The following LRP4 variants were observed in gnomAD, a reference collection of about 807,000 sequenced individuals.
LRP4 encodes LDL receptor related protein 4.
Under a neutral mutation model 220.3 loss-of-function variants are expected in LRP4, and 95 were observed. That is an observed-to-expected ratio of 0.43 (90% CI 0.37 to 0.51). The LOEUF (loss-of-function observed/expected upper bound fraction) is 0.51, where lower values mean the gene tolerates loss of function less well. LRP4 is among the 20% of genes least tolerant of loss of function. The pLI, the probability that LRP4 is intolerant of heterozygous loss-of-function variation, is 0.00. For missense variants in LRP4, 1,925 were observed against 2,567.0 expected, an observed-to-expected ratio of 0.75 and a Z score of 5.40; for synonymous variants, 903 against 954.6, an observed-to-expected ratio of 0.95 and a Z score of 1.00.
intron 18 of LRP4, among the ~76,000 whole-genome samples, chr11:46,884,244 G>A (rs972176380): frequency 2.6e-5 from 4 of 152,194 alleles, no homozygotes; most frequent in East Asian, 3.9e-4. Context: ...TTTAGTGTGC[G>A]TAAGAATCAG....
chr11:46,900,518 T>G (rs971709218), intron 2 of LRP4, 140 bp from the exon 3 acceptor site: 3 of 689,744 alleles, frequency 4.3e-6, no homozygotes, highest in Non-Finnish European at 5.3e-6. Flanking sequence ...GTCACCCAGG[T>G]TGGAGTACAG....
intron 28 of LRP4, chr11:46,874,358 A>G (rs921695706): frequency 2.4e-5 from 4 of 170,010 alleles, no homozygotes; most frequent in African/African-American, 9.6e-5. Context: ...TAGGGCCACA[A>G]ATTTAAAGAC....
Position 46,900,341 on chromosome 11 carries a change from G to C in LRP4, c.237C>G (p.Asp79Glu), listed in dbSNP as rs547765113. 1.9e-6 allele frequency: 3 copies of C among 1,614,028 alleles called. No homozygotes were observed. Among genetic ancestry groups the C allele is most frequent in the African/African-American group, 2.7e-5 (2 of 75,044 alleles). ...PTCSPLDFHC[D>E]NGKCIRRSWV... ...AGGAGCGGCGGATGCACTTGCCATT[G>C]TCACAGTGAAAGTCAAGAGGGGAAC... Residue 79 changes from aspartate to glutamate, a missense_variant, in exon 3 of 38, where the codon GAC (aspartate) becomes GAG (glutamate). Physicochemically the swap from Asp to Glu is conservative, Grantham distance 45 (BLOSUM62 2). Around this residue, in one of 3 missense-constraint regions of LRP4, gnomAD observed 412 missense variants for 505.4 expected, o/e 0.82. Transcript: ENST00000378623.
chr11:46,856,907 T>C lies in LRP4; in HGVS notation c.*2076A>G, dbSNP rs1163252480. ...AAATTTATATTAAATTATCATAAAG[T>C]CCTAAAATACTGAACATAGTGGTTA... On this transcript the variant is annotated 3_prime_UTR_variant, in exon 38 of 38. Coordinates refer to ENST00000378623, the MANE Select transcript of LRP4 (RefSeq NM_002334.4). This position sits in a 1 kb window ranked among gnomAD's most constrained non-coding sequence, Gnocchi z 4.1. The C allele has an allele frequency of 2.0e-5, 3 of 152,606 alleles. No individual in the cohort carries two copies. Among genetic ancestry groups the C allele is most frequent in the African/African-American group, 7.2e-5 (3 of 41,430 alleles). The allele number at this position is 152,606 out of a possible 1,614,324, so 9.5% of individuals were successfully genotyped here.
rs142352845 is a variant in LRP4 at position 46,871,583 on chromosome 11, T to C, written c.4634A>G (p.Asn1545Ser). The change falls in exon 31 of 38, where the codon AAT becomes AGT. Residue 1545 changes from asparagine to serine, a missense_variant. Asn to Ser is a conservative substitution (Grantham distance 46). Coordinates refer to ENST00000378623, the MANE Select transcript of LRP4 (RefSeq NM_002334.4). ...GACCAAGACCTGCCGCAGTTTCCCA[T>C]TGAGGTCAGCACTCTCGATCCGGTC... ...HLDRIESADL[N>S]GKLRQVLVSH... is the part of the protein sequence containing the mutation. 9 of 1,613,462 alleles carry C rather than the reference T, an allele frequency of 5.6e-6. No individual in the cohort carries two copies. The highest frequency in any genetic ancestry group is 4.4e-5 in the South Asian group (4 of 90,816).
At position 46,902,792 on chromosome 11, in the gene LRP4, C is replaced by T. The variant is rs1186531891; in HGVS notation, c.190G>A (p.Asp64Asn). 4.3e-6 allele frequency: 7 copies of T among 1,614,014 alleles called. No homozygotes were observed. In the South Asian group the frequency reaches 7.7e-5, roughly 18 times the overall value. Reference protein sequence around the residue: ...DNDCGDHSDEDGCILPTCSPL... With the variant: ...DNDCGDHSDENGCILPTCSPL... ...CTGGGGAGGTACTTACTACATCCAT[C>T]CTCATCGCTGTGGTCCCCGCAGTCA... The change falls in exon 2 of 38, where the codon GAT becomes AAT. Residue 64 changes from aspartate to asparagine, a missense_variant. Physicochemically the swap from Asp to Asn is conservative, Grantham distance 23. Transcript: ENST00000378623.
chr11:46,878,975 G>A lies in LRP4; in HGVS notation c.3068C>T (p.Pro1023Leu). 1 of 1,614,224 alleles carries A rather than the reference G, an allele frequency of 6.2e-7. No homozygotes were observed. Reference protein sequence around the residue: ...CSHLCLRSPNPSGFSCTCPTG... With the variant: ...CSHLCLRSPNLSGFSCTCPTG... Reference sequence around the variant, plus strand: ...GGGGCAGGTACAGCTGAATCCGCTTGGATTTGGGGACCTAAGACACAGGTG... The same window carrying A: ...GGGGCAGGTACAGCTGAATCCGCTTAGATTTGGGGACCTAAGACACAGGTG... Residue 1023 changes from proline (P) to leucine (L), a missense_variant, in exon 22 of 38, where the codon CCA (proline) becomes CTA (leucine). By Grantham distance (98) the Pro-to-Leu change is moderately conservative (BLOSUM62 -3). Transcript: ENST00000378623.
rs1287755727 is a variant in LRP4, at chr11:46,879,174, G to C, written c.2956C>G (p.Leu986Val). The change falls in exon 21 of 38, where the codon CTG (leucine) becomes GTG (valine). Residue 986 changes from leucine (L) to valine (V), a missense_variant. Around this residue, in one of 3 missense-constraint regions of LRP4, gnomAD observed 1,244 missense variants for 1,624.9 expected, o/e 0.77. Coordinates refer to ENST00000378623, the MANE Select transcript of LRP4 (RefSeq NM_002334.4). ...ACATGGATGTCCATTAGGTTTTCCA[G>C]GTTCTCCTGCAGAGTCTCCCGGTCC... is the stretch of plus-strand genomic sequence containing the variant. ...GLDRETLQEN[L>V]ENLMDIHVFH... The C allele has an allele frequency of 6.2e-7, 1 of 1,614,216 alleles. No homozygotes were observed. Among genetic ancestry groups the C allele is most frequent in the Non-Finnish European group, 8.5e-7 (1 of 1,180,040 alleles).
intron 9 of LRP4, 29 bp downstream of exon 9, chr11:46,896,181 G>A: frequency 6.2e-7 from 1 of 1,612,856 alleles, no homozygotes; most frequent in Non-Finnish European, 8.5e-7. Flanking sequence ...ACAAACCATG[G>A]GCCAGGTCCG....
intron 1 of LRP4, among the ~76,000 whole-genome samples, chr11:46,916,986 G>A (rs1360667744): frequency 6.6e-6 from 1 of 152,226 alleles, no homozygotes; most frequent in Non-Finnish European, 1.5e-5. Context: ...GGCCGGCCAA[G>A]CTACCGCTCT....
At chr11:46,891,515 G>A (rs1255779579) in intron 13 of LRP4, among the ~76,000 whole-genome samples, 1 of 151,882 alleles carries the variant, frequency 6.6e-6, no homozygotes, top group Admixed American at 6.6e-5. Context: ...GATACATACT[G>A]TAGGACCTTA....
Position 46,894,578 on chromosome 11 carries a change from T to C in LRP4, c.1540+11A>G. Reference sequence around the variant, plus strand: ...TGGCTCTGCCCCTCTCCATGGGGCCTTGTTCCCTACCTGGGCTCTCCAGCC... The same window carrying C: ...TGGCTCTGCCCCTCTCCATGGGGCCCTGTTCCCTACCTGGGCTCTCCAGCC... On this transcript the variant is annotated intron_variant, in intron 12 of 37. Coordinates refer to ENST00000378623, the MANE Select transcript of LRP4 (RefSeq NM_002334.4). 6.3e-7 allele frequency: 1 copy of C among 1,589,014 alleles called. No individual in the cohort carries two copies. The highest frequency in any genetic ancestry group is 2.3e-5 in the East Asian group (1 of 43,848).
chr11:46,879,402 A>G (rs894638582), intron 20 of LRP4, 87 bp from the exon 21 acceptor site: 1 of 1,400,634 alleles, frequency 7.1e-7, no homozygotes, highest in Non-Finnish European at 1.0e-6. Context: ...CTCAGAAAGC[A>G]GCTCTCCCAC....
intron 13 of LRP4, among the ~76,000 whole-genome samples, chr11:46,891,597 T>C (rs1432180302): frequency 1.3e-5 from 2 of 152,310 alleles, no homozygotes; most frequent in African/African-American, 4.8e-5. Context: ...CAGGAGTTTT[T>C]CTTTAATTCA....
In LRP4 at chr11:46,902,216, G is replaced by T. The variant is rs190613602; in HGVS notation, c.199+567C>A. Among the ~76,000 whole-genome samples the T allele has an allele frequency of 1.1e-4, 16 of 151,846 alleles. 2 individuals carry two copies. Among genetic ancestry groups the T allele is most frequent in the African/African-American group, 3.6e-4 (15 of 41,536 alleles). On this transcript the variant is annotated intron_variant, in intron 2 of 37. Coordinates refer to ENST00000378623, the MANE Select transcript of LRP4 (RefSeq NM_002334.4). ...CTACTAAAAATACAAAAAATTAGCT[G>T]GGCATGGTGGCACATGCCTGTAGTC...
intron 20 of LRP4, among the ~76,000 whole-genome samples, chr11:46,880,714 G>A (rs1428371391): frequency 6.6e-6 from 1 of 152,054 alleles, no homozygotes; most frequent in African/African-American, 2.4e-5. Context: ...AAAAAAGTGG[G>A]GTGGGAGGAG....
Position 46,915,195 on chromosome 11 carries a change from G to A in LRP4, c.52+3133C>T, listed in dbSNP as rs535592146. ...AGGGACAAGGTCACTCAAGCACCAT[G>A]ACAACCCTGGTCACGACAACAGCGA... On this transcript the variant is annotated intron_variant, in intron 1 of 37. Transcript: ENST00000378623. Among the ~76,000 whole-genome samples, 9 of 152,324 alleles carry A rather than the reference G, an allele frequency of 5.9e-5. No homozygotes were observed. In the South Asian group the frequency reaches 1.9e-3, roughly 32 times the overall value.
chr11:46,909,416 C>G (rs1941816043), intron 1 of LRP4, among the ~76,000 whole-genome samples: 1 of 105,150 alleles, frequency 9.5e-6, no homozygotes, highest in Non-Finnish European at 1.9e-5. Context: ...ACCATCCTGG[C>G]TAACAAGGTG....
At chr11:46,865,877 A>G (rs2134769109) in intron 34 of LRP4, among the ~76,000 whole-genome samples, 1 of 152,356 alleles carries the variant, frequency 6.6e-6, no homozygotes, top group Non-Finnish European at 1.5e-5. Flanking sequence ...AATGACTGAT[A>G]GTACTTAAAA....
Sources: allele counts gnomAD v4.1 joint callset (sites outside exome capture counted in the v4.1 genomes callset), GRCh38; gene constraint gnomAD v4.1.1; regional missense constraint gnomAD v4.1.1; non-coding constraint Gnocchi (gnomAD v3.1); transcripts MANE v1.5; gene names NCBI Gene and HGNC (gene_info 2026-07-23, HGNC 2026-07-21).